LRBA: variants seen among roughly 807,000 people sequenced by gnomAD.
LRBA encodes lipopolysaccharide-responsive and beige-like anchor protein.
Under a neutral mutation model 330.0 loss-of-function variants are expected in LRBA, and 176 were observed. The observed-to-expected ratio is 0.53, with a 90% confidence interval of 0.47 to 0.60. The LOEUF is 0.60. Among genes scored for constraint, LRBA ranks in the 20% least tolerant of loss-of-function variants. The pLI, the probability that LRBA is intolerant of heterozygous loss-of-function variation, is 0.00. For synonymous variants in LRBA, 1,230 were observed against 1,193.0 expected (o/e 1.03, Z -0.64); for missense variants, 3,259 against 3,444.8 (o/e 0.95, Z 1.35).
At chr4:150,849,931 A>C (rs1395351008) in intron 24 of LRBA, among the ~76,000 whole-genome samples, 3 of 152,218 alleles carry the variant, frequency 2.0e-5, no homozygotes, top group African/African-American at 7.2e-5. Flanking sequence ...TTTCTTCTGT[A>C]ATGCCTATAA....
rs10685627 is a variant in LRBA, at chr4:150,592,144, G to GTTTTTTTTTTTT, written c.6047-1297_6047-1286dup. ...TTGATATGGAAATCGGATGGCTAGGGTTTTTTTTTTTTTTTTTTTTTTTTT... is the reference window on the plus strand; with the variant it reads ...TTGATATGGAAATCGGATGGCTAGGGTTTTTTTTTTTTTTTTTTTTTTTTTTTTTTTTTTTTT... On this transcript the variant is annotated intron_variant, in intron 38 of 56. Coordinates refer to ENST00000651943, the MANE Select transcript of LRBA (RefSeq NM_001364905.1). 5.2e-3 allele frequency among the ~76,000 whole-genome samples: 338 copies of GTTTTTTTTTTTT among 65,190 alleles called. 49 individuals are homozygous for GTTTTTTTTTTTT. Among genetic ancestry groups the GTTTTTTTTTTTT allele is most frequent in the African/African-American group, 0.011 (162 of 14,526 alleles). 42.8% of individuals were successfully genotyped at this position (65,190 alleles called of 152,430 possible).
chr4:150,599,172 A>T, intron 37 of LRBA, 41 bp from the exon 38 acceptor site: 2 of 1,609,906 alleles, frequency 1.2e-6, no homozygotes, highest in South Asian at 2.2e-5. Context: ...AGCAATTATC[A>T]AACAGCGTGG....
intron 11 of LRBA, among the ~76,000 whole-genome samples, chr4:150,907,847 T>A (rs1277177504): frequency 2.0e-5 from 3 of 152,120 alleles, no homozygotes; most frequent in Admixed American, 1.3e-4. Flanking sequence ...ATGTACAATC[T>A]AATTTTTTTC....
rs35974420 is a variant in LRBA, at chr4:150,639,809, G to A, written c.5922-40678C>T. ...TGTGTGTGTATATATATATATATGT[G>A]TGTGTGTGTGTATATATATATATAT... On this transcript the variant is annotated intron_variant, in intron 37 of 56. Transcript: ENST00000651943. 9.5e-3 allele frequency among the ~76,000 whole-genome samples: 58 copies of A among 6,106 alleles called. 7 individuals carry two copies. Among genetic ancestry groups the A allele is most frequent in the Middle Eastern group, 0.083 (1 of 12 alleles). 4.0% of individuals were successfully genotyped at this position (6,106 alleles called of 152,430 possible). A position where few individuals can be genotyped will look rare whatever the true frequency, so the allele number is the denominator to read the frequency against.
At chr4:150,986,618 C>T (rs1438889197) in intron 2 of LRBA, among the ~76,000 whole-genome samples, 1 of 152,160 alleles carries the variant, frequency 6.6e-6, no homozygotes, top group Non-Finnish European at 1.5e-5. Flanking sequence ...TCACTGAAAT[C>T]TCCAATACAC....
At chr4:150,419,596 A>C (rs1748315292) in intron 46 of LRBA, among the ~76,000 whole-genome samples, 1 of 151,408 alleles carries the variant, frequency 6.6e-6, no homozygotes, top group African/African-American at 2.4e-5. Flanking sequence ...CTATGTCAAT[A>C]ATGGTAAAAA....
chr4:150,332,465 A>T (rs1734113034), intron 48 of LRBA, among the ~76,000 whole-genome samples: 1 of 152,144 alleles, frequency 6.6e-6, no homozygotes, highest in Admixed American at 6.5e-5. Context: ...ATCAGACTAT[A>T]AGTCTCCTTT....
At chr4:150,763,210 A>G (rs1433993778) in intron 34 of LRBA, among the ~76,000 whole-genome samples, 1 of 152,060 alleles carries the variant, frequency 6.6e-6, no homozygotes, top group Non-Finnish European at 1.5e-5. Flanking sequence ...CGTATTCTCA[A>G]GGAATGAGCA....
chr4:150,274,220 C>T lies in LRBA; in HGVS notation c.8468+3633G>A, dbSNP rs537095596. 9.9e-5 allele frequency among the ~76,000 whole-genome samples: 15 copies of T among 152,076 alleles called. No homozygotes were observed. The South Asian group carries it at 1.2e-3, about 13-fold the overall frequency. On this transcript the variant is annotated intron_variant, in intron 56 of 56. Coordinates refer to ENST00000651943, the MANE Select transcript of LRBA (RefSeq NM_001364905.1). ...CTCCTGAATGACTACTGGGCAAATA[C>T]TGAAATGAAGGCAGAAATAAAGATG...
intron 36 of LRBA, among the ~76,000 whole-genome samples, chr4:150,705,409 C>T (rs1785519592): frequency 6.6e-6 from 1 of 151,958 alleles, no homozygotes; most frequent in South Asian, 2.1e-4. Flanking sequence ...CCCACCAAAC[C>T]TTTAAAAGAG....
At chr4:150,282,150 A>G (rs1296544481) in intron 55 of LRBA, among the ~76,000 whole-genome samples, 2 of 152,348 alleles carry the variant, frequency 1.3e-5, no homozygotes, top group Admixed American at 1.3e-4. Flanking sequence ...TTAGAAAAAA[A>G]GAAATGAGCA....
chr4:150,950,412 A>G (rs1433693023), intron 2 of LRBA, among the ~76,000 whole-genome samples: 1 of 152,134 alleles, frequency 6.6e-6, no homozygotes, highest in African/African-American at 2.4e-5. Context: ...TACCCCAAAT[A>G]TTTTATGTCA....
chr4:150,504,523 C>T (rs1211434461), intron 40 of LRBA, among the ~76,000 whole-genome samples: 7 of 152,150 alleles, frequency 4.6e-5, no homozygotes, highest in African/African-American at 1.7e-4. Flanking sequence ...AAATAAAATA[C>T]TTTACAGACA....
At position 150,785,858 on chromosome 4, in the gene LRBA, G is replaced by A. The variant is rs75878928; in HGVS notation, c.5580+12223C>T. On this transcript the variant is annotated intron_variant, in intron 34 of 56. Coordinates refer to ENST00000651943, the MANE Select transcript of LRBA (RefSeq NM_001364905.1). ...CAAAAGGGGCACTTAAAAACAATTA[G>A]AGTAGTAATACAAGTAACACGACAT... 4.2e-3 allele frequency among the ~76,000 whole-genome samples: 633 copies of A among 152,270 alleles called. 4 individuals carry two copies. Among genetic ancestry groups the A allele is most frequent in the African/African-American group, 0.014 (570 of 41,544 alleles).
chr4:150,496,084 T>C (rs1384197433), intron 40 of LRBA, among the ~76,000 whole-genome samples: 1 of 152,130 alleles, frequency 6.6e-6, no homozygotes, highest in Non-Finnish European at 1.5e-5. Context: ...TCTATTTATT[T>C]ACTGTAAAAC....
chr4:150,820,638 C>A (rs1249953099), intron 30 of LRBA, among the ~76,000 whole-genome samples: 1 of 151,928 alleles, frequency 6.6e-6, no homozygotes, highest in African/African-American at 2.4e-5. Flanking sequence ...ATTAACATAA[C>A]ATTGCTTCAG....
chr4:150,710,365 G>A (rs1008340312), intron 36 of LRBA, among the ~76,000 whole-genome samples: 1 of 152,054 alleles, frequency 6.6e-6, no homozygotes, highest in African/African-American at 2.4e-5. Flanking sequence ...CTCCCCAAAA[G>A]TGGGGCTTCT....
intron 42 of LRBA, among the ~76,000 whole-genome samples, chr4:150,483,441 G>A (rs1199034101): frequency 6.6e-6 from 1 of 151,316 alleles, no homozygotes; most frequent in Non-Finnish European, 1.5e-5. Context: ...AACTATTCTG[G>A]ATATTTACAA....
At chr4:150,563,819 A>G (rs1451320733) in intron 40 of LRBA, among the ~76,000 whole-genome samples, 1 of 152,120 alleles carries the variant, frequency 6.6e-6, no homozygotes, top group East Asian at 1.9e-4. Context: ...TAGGAAGCCA[A>G]CTCACAAGGG....
Sources: allele counts gnomAD v4.1 joint callset (sites outside exome capture counted in the v4.1 genomes callset), GRCh38; gene constraint gnomAD v4.1.1; transcripts MANE v1.5; gene names NCBI Gene and HGNC (gene_info 2026-07-23, HGNC 2026-07-21).